NUP42: variants seen among roughly 807,000 people sequenced by gnomAD.
NUP42 encodes nucleoporin NUP42.
In NUP42, 47 loss-of-function variants were observed where a neutral mutation model predicts 35.9. The observed-to-expected ratio is 1.31, with a 90% CI of 1.04 to 1.67. The LOEUF (loss-of-function observed/expected upper bound fraction) is 1.67, where lower values mean the gene tolerates loss of function less well. Ranked by LOEUF, NUP42 falls within the 40% of genes most tolerant of loss-of-function variation. The pLI is 0.00. For synonymous variants in NUP42, 173 were observed against 173.3 expected (o/e 1.00, Z 0.01); for missense variants, 514 against 492.2 (o/e 1.04, Z -0.42).
intron 5 of NUP42, chr7:23,197,119 T>C: frequency 1.3e-6 from 1 of 795,658 alleles, no homozygotes; most frequent in East Asian, 6.3e-5. Flanking sequence ...ACATTTAGAA[T>C]GTAATGTATC....
chr7:23,182,259 C>T (rs1413814452), intron 1 of NUP42, 53 bp downstream of exon 1: 1 of 1,547,554 alleles, frequency 6.5e-7, no homozygotes, highest in South Asian at 1.2e-5. Flanking sequence ...GGTCCGCCGG[C>T]GGGGACCGGG....
intron 1 of NUP42, among the ~76,000 whole-genome samples, 175 bp from the exon 2 acceptor site, chr7:23,184,895 A>G (rs1439087122): frequency 6.6e-6 from 1 of 152,004 alleles, no homozygotes; most frequent in East Asian, 1.9e-4. Flanking sequence ...GGTCCCAGCT[A>G]CTCAGGAGGC....
At position 23,182,221 on chromosome 7, in the gene NUP42, A is replaced by C; in HGVS notation, c.121+15A>C. ...GCAGCCTTCAGGTGACTCTCCTCTG[A>C]ATCCTCCGCGGTAACCGAGCCGGGA... On this transcript the variant is annotated intron_variant, in intron 1 of 6. Transcript: ENST00000258742. 6.3e-7 allele frequency: 1 copy of C among 1,596,868 alleles called. No individual in the cohort carries two copies. Among genetic ancestry groups the C allele is most frequent in the South Asian group, 1.1e-5 (1 of 89,274 alleles).
At chr7:23,188,381 A>C (rs1785677242) in intron 3 of NUP42, 1 of 982,688 alleles carries the variant, frequency 1.0e-6, no homozygotes, top group Non-Finnish European at 1.2e-6. Context: ...TAAGTGATGC[A>C]AATAAACTAA....
At chr7:23,182,496 G>T (rs561451779) in intron 1 of NUP42, 9 of 1,176,886 alleles carry the variant, frequency 7.6e-6, no homozygotes, top group Non-Finnish European at 9.5e-6. Context: ...GTAGGTAAAT[G>T]CCGGAATTGA....
In NUP42 at chr7:23,196,678, A is replaced by T. The variant is rs374167066; in HGVS notation, c.523-2A>T. On this transcript the variant is annotated splice_acceptor_variant, in intron 4 of 6. Transcript: ENST00000258742. LOFTEE classifies it high-confidence loss of function. ...TGTTATTTTTCTGTCTTCCGTTTTC[A>T]GCTAAATTCTGTCCAACGTTTAATA... The T allele has an allele frequency of 6.2e-7, 1 of 1,603,004 alleles. No homozygotes were observed. The highest frequency in any genetic ancestry group is 1.3e-5 in the African/African-American group (1 of 74,596).
intron 3 of NUP42, chr7:23,188,225 C>T (rs556607810): frequency 8.0e-7 from 1 of 1,251,822 alleles, no homozygotes; most frequent in South Asian, 3.8e-5. Context: ...TGAGCATTTG[C>T]ATTACAACGC....
At chr7:23,194,896 G>C (rs1222328945) in intron 3 of NUP42, 2 of 150,232 alleles carry the variant, frequency 1.3e-5, no homozygotes, top group African/African-American at 4.9e-5. Flanking sequence ...CACCATGTTA[G>C]CCAGGATGGT....
intron 3 of NUP42, among the ~76,000 whole-genome samples, chr7:23,193,707 C>T (rs1785897771): frequency 6.6e-6 from 1 of 152,248 alleles, no homozygotes; most frequent in Admixed American, 6.5e-5. Context: ...TGGAGCTACC[C>T]GCCAGTCCCG....
Position 23,185,157 on chromosome 7 carries a change from G to A in NUP42, c.209G>A (p.Gly70Glu), listed in dbSNP as rs766461516. The A allele has an allele frequency of 7.4e-6, 12 of 1,614,006 alleles. No homozygotes were observed. The East Asian group carries it at 2.2e-4, about 30-fold the overall frequency. The change falls in exon 2 of 7, where the codon GGG becomes GAG. Residue 70 changes from glycine (G) to glutamate (E), a missense_variant. Gly to Glu is a moderately conservative substitution (Grantham distance 98). Coordinates refer to ENST00000258742, the MANE Select transcript of NUP42 (RefSeq NM_007342.3). ...PSSFSKSTPW[G>E]GSRDQEKPYF... ...AGTTTCTCCAAATCCACACCATGGG[G>A]GGGCAGCAGAGATCAAGAAAAGCCA...
intron 5 of NUP42, 29 bp downstream of exon 5, chr7:23,196,795 A>G: frequency 1.4e-6 from 2 of 1,457,598 alleles, no homozygotes; most frequent in African/African-American, 1.4e-5. Context: ...TCTTGAGGGA[A>G]GTGTCTTACC....
intron 3 of NUP42, among the ~76,000 whole-genome samples, chr7:23,187,811 G>A (rs1174525350): frequency 6.6e-6 from 1 of 151,274 alleles, no homozygotes; most frequent in Non-Finnish European, 1.5e-5. Context: ...TTACCATGTT[G>A]GCCAGTCTAG....
chr7:23,198,606 C>CAGTAGGAAAT (rs1252124365), intron 5 of NUP42, among the ~76,000 whole-genome samples: 1 of 152,104 alleles, frequency 6.6e-6, no homozygotes, highest in Non-Finnish European at 1.5e-5. Context: ...ATACAAAGTT[C>CAGTAGGAAAT]CTTGAAAGTA....
intron 1 of NUP42, 78 bp downstream of exon 1, chr7:23,182,284 C>T: frequency 6.5e-7 from 1 of 1,530,466 alleles, no homozygotes; most frequent in Non-Finnish European, 8.8e-7. Flanking sequence ...CCGCGTGTTT[C>T]CCGCTGCTGG....
At position 23,182,077 on chromosome 7, in the gene NUP42, G is replaced by A; in HGVS notation, c.-9G>A. ...ACTGAAGACGCCCTCCGTCAGCGAC[G>A]CCGTCGCAATGGCCATTTGTCAATT... On this transcript the variant is annotated 5_prime_UTR_variant, in exon 1 of 7. Transcript: ENST00000258742. The A allele has an allele frequency of 6.2e-7, 1 of 1,613,474 alleles. No individual in the cohort carries two copies. The highest frequency in any genetic ancestry group is 8.5e-7 in the Non-Finnish European group (1 of 1,179,980).
At chr7:23,183,554 G>A (rs1785488353) in intron 1 of NUP42, among the ~76,000 whole-genome samples, 1 of 151,998 alleles carries the variant, frequency 6.6e-6, no homozygotes. Context: ...TTGCGTGATG[G>A]TTTCACGTCT....
intron 3 of NUP42, among the ~76,000 whole-genome samples, chr7:23,192,224 G>A (rs561929586): frequency 2.6e-5 from 4 of 151,962 alleles, no homozygotes; most frequent in Non-Finnish European, 5.9e-5. Flanking sequence ...TACTAATAAC[G>A]TACTGTAAGA....
intron 3 of NUP42, among the ~76,000 whole-genome samples, chr7:23,189,994 A>G (rs1485456991): frequency 6.6e-6 from 1 of 152,116 alleles, no homozygotes; most frequent in Non-Finnish European, 1.5e-5. Context: ...GTGAACTGGC[A>G]TTTTTCAAAT....
intron 3 of NUP42, chr7:23,187,963 T>C: frequency 1.5e-6 from 1 of 649,684 alleles, no homozygotes; most frequent in Non-Finnish European, 2.5e-6. Context: ...TGGCCTGGAA[T>C]AGCATTTGCT....
Sources: gnomAD v4.1 joint callset for allele counts (sites outside exome capture counted in the v4.1 genomes callset) on GRCh38, gnomAD v4.1.1 for gene constraint, MANE v1.5 for transcripts, NCBI Gene and HGNC (gene_info 2026-07-23, HGNC 2026-07-21) for gene names.